PAQR3: variants seen among roughly 807,000 people sequenced by gnomAD.
PAQR3 encodes Raf kinase trapping to Golgi.
A neutral mutation model predicts 41.7 loss-of-function variants in PAQR3; 39 were observed. That is an observed-to-expected ratio of 0.93 (90% CI 0.72 to 1.22). The LOEUF (loss-of-function observed/expected upper bound fraction) is 1.22. Ranked by LOEUF, PAQR3 falls within the 50% of genes most tolerant of loss-of-function variation. The pLI, the probability that PAQR3 is intolerant of heterozygous loss-of-function variation, is 0.00. For missense variants in PAQR3, 366 were observed against 385.6 expected (o/e 0.95, Z 0.42); for synonymous variants, 140 against 140.6 (o/e 1.00, Z 0.03).
downstream of PAQR3, chr4:78,911,393 G>A: frequency 6.2e-7 from 1 of 1,614,018 alleles, no homozygotes; most frequent in Non-Finnish European, 8.5e-7. Context: ...AAAAGTGAAA[G>A]CAATGAGGAC....
chr4:78,889,662 C>T (rs879151377), intron 11 of PAQR3, among the ~76,000 whole-genome samples: 2 of 152,098 alleles, frequency 1.3e-5, no homozygotes, highest in Admixed American at 1.3e-4. Flanking sequence ...ACTCTACTAG[C>T]GTTGTGAGAC....
intron 11 of PAQR3, among the ~76,000 whole-genome samples, chr4:78,901,189 G>A: frequency 6.6e-6 from 1 of 151,870 alleles, no homozygotes; most frequent in Non-Finnish European, 1.5e-5. Context: ...GACTATAGGT[G>A]TGCACCACCA....
chr4:78,928,072 TTA>T (rs1227069361), intron 3 of PAQR3, among the ~76,000 whole-genome samples: 1 of 152,238 alleles, frequency 6.6e-6, no homozygotes, highest in Non-Finnish European at 1.5e-5. Flanking sequence ...AGCAGTTCCC[TTA>T]TCTTTTTAAT....
At chr4:78,923,365 G>A (rs902373218) in intron 5 of PAQR3, among the ~76,000 whole-genome samples, 2 of 151,496 alleles carry the variant, frequency 1.3e-5, no homozygotes, top group Admixed American at 6.6e-5. Context: ...AAGTTCTAGG[G>A]TACATGTACA....
chr4:78,933,746 A>C (rs1428581837), intron 2 of PAQR3, among the ~76,000 whole-genome samples: 1 of 152,154 alleles, frequency 6.6e-6, no homozygotes, highest in Non-Finnish European at 1.5e-5. Context: ...AAATTGTTGT[A>C]ATTATTTAAT....
chr4:78,911,971 C>T lies in PAQR3; in HGVS notation c.*8568G>A. 1 of 1,613,928 alleles carries T rather than the reference C, an allele frequency of 6.2e-7. No homozygotes were observed. The highest frequency in any genetic ancestry group is 8.5e-7 in the Non-Finnish European group (1 of 1,179,846). On this transcript the variant is annotated 3_prime_UTR_variant, in exon 6 of 6. Transcript: ENST00000512733. ...GCAAAGCATCACTCCACATCAGTCCCAACAGTCCCAACCAGTCGAATTAGA... is the reference window on the plus strand; with the variant it reads ...GCAAAGCATCACTCCACATCAGTCCTAACAGTCCCAACCAGTCGAATTAGA...
chr4:78,915,901 G>T lies in PAQR3; in HGVS notation c.*4638C>A, dbSNP rs1393444955. ...ATTGAAAAGTCATCTAATAGAAGCT[G>T]TATAGAAGCTACTTTTTAATTGCTG... On this transcript the variant is annotated 3_prime_UTR_variant, in exon 6 of 6. Transcript: ENST00000512733. 6.6e-6 allele frequency: 1 copy of T among 151,932 alleles called. No individual in the cohort carries two copies. Among genetic ancestry groups the T allele is most frequent in the Non-Finnish European group, 1.5e-5 (1 of 67,886 alleles). The allele number at this position is 151,932 out of a possible 1,614,324, so 9.4% of individuals were successfully genotyped here.
chr4:78,919,546 A>C lies in PAQR3; in HGVS notation c.*993T>G, dbSNP rs1434653572. 4.1e-6 allele frequency: 4 copies of C among 985,060 alleles called. No homozygotes were observed. Among genetic ancestry groups the C allele is most frequent in the Non-Finnish European group, 4.8e-6 (4 of 829,806 alleles). 61.0% of individuals were successfully genotyped at this position (985,060 alleles called of 1,614,324 possible). ...GACCAGAGCACAGGTGAATAAGATTATTATCAAATGGGGCATCTGCATGAC... is the reference window on the plus strand; with the variant it reads ...GACCAGAGCACAGGTGAATAAGATTCTTATCAAATGGGGCATCTGCATGAC... On this transcript the variant is annotated 3_prime_UTR_variant, in exon 6 of 6. Transcript: ENST00000512733.
intron 11 of PAQR3, among the ~76,000 whole-genome samples, chr4:78,904,672 G>A (rs913066717): frequency 6.6e-6 from 1 of 151,894 alleles, no homozygotes; most frequent in Non-Finnish European, 1.5e-5. Flanking sequence ...TTTTCAGATA[G>A]TAGAATTCAG....
intron 3 of PAQR3, among the ~76,000 whole-genome samples, chr4:78,929,361 G>A (rs1289730801): frequency 3.3e-5 from 5 of 152,228 alleles, no homozygotes; most frequent in Admixed American, 6.5e-5. Context: ...AGGGTCGAAG[G>A]GGACTTTCTG....
At chr4:78,935,405 G>C in intron 1 of PAQR3, 122 bp from the exon 2 acceptor site, 3 of 656,502 alleles carry the variant, frequency 4.6e-6, no homozygotes, top group South Asian at 3.4e-5. Flanking sequence ...TACCCCACCT[G>C]TACCTTTCTA....
chr4:78,930,899 TATATATACAC>T (rs1420662866), intron 2 of PAQR3, among the ~76,000 whole-genome samples: 4 of 146,256 alleles, frequency 2.7e-5, no homozygotes, highest in Admixed American at 2.7e-4. Context: ...TATATATATA[TATATATACAC>T]ACACATTTTA....
intron 11 of PAQR3, chr4:78,898,974 T>C (rs943102126): frequency 1.3e-5 from 2 of 152,184 alleles, no homozygotes; most frequent in African/African-American, 4.8e-5. Context: ...CTGCACTAAG[T>C]TGGACCTCAA....
intron 10 of PAQR3, among the ~76,000 whole-genome samples, chr4:78,906,461 T>C (rs1017263771): frequency 2.0e-5 from 3 of 152,192 alleles, no homozygotes; most frequent in Non-Finnish European, 4.4e-5. Context: ...AAAGGTGGTA[T>C]AGATGATTGT....
In PAQR3 at chr4:78,905,409, A is replaced by C. The variant is rs538336324; in HGVS notation, c.*836+699T>G. On this transcript the variant is annotated intron_variant and NMD_transcript_variant, in intron 11 of 12. Coordinates refer to the PAQR3 transcript ENST00000342820. Reference sequence around the variant, plus strand: ...ATTTAGTTAAAGAAAAAGAAGAAATACATTACTTAGAGCCAAAAATAAAAA... The same window carrying C: ...ATTTAGTTAAAGAAAAAGAAGAAATCCATTACTTAGAGCCAAAAATAAAAA... 7.2e-5 allele frequency among the ~76,000 whole-genome samples: 11 copies of C among 152,068 alleles called. No homozygotes were observed. The Middle Eastern group carries it at 0.01, about 141-fold the overall frequency.
At chr4:78,891,214 A>G (rs1248232026) in intron 11 of PAQR3, among the ~76,000 whole-genome samples, 1 of 152,110 alleles carries the variant, frequency 6.6e-6, no homozygotes, top group East Asian at 1.9e-4. Context: ...GAAATCTGAT[A>G]TTATTCTCTT....
Position 78,920,193 on chromosome 4 carries a change from T to C in PAQR3, c.*346A>G, listed in dbSNP as rs183429049. 17 of 1,005,988 alleles carry C rather than the reference T, an allele frequency of 1.7e-5. No individual in the cohort carries two copies. The Admixed American group carries it at 9.4e-4, about 56-fold the overall frequency. 62.3% of individuals were successfully genotyped at this position (1,005,988 alleles called of 1,614,324 possible). ...TAATTAAGCACATAAGATGACTCCATTTTCTAATGGACATGAGCCCTTCCT... is the reference window on the plus strand; with the variant it reads ...TAATTAAGCACATAAGATGACTCCACTTTCTAATGGACATGAGCCCTTCCT... On this transcript the variant is annotated 3_prime_UTR_variant, in exon 6 of 6. Transcript: ENST00000512733.
At chr4:78,911,116 G>GT, downstream of PAQR3, 1 of 1,613,982 alleles carries the variant, frequency 6.2e-7, no homozygotes, top group Non-Finnish European at 8.5e-7. Context: ...GGAGTTTGAT[G>GT]TATTTGGCGC....
chr4:78,935,731 A>AAC (rs746528311), intron 1 of PAQR3, among the ~76,000 whole-genome samples: 16 of 152,252 alleles, frequency 1.1e-4, no homozygotes, highest in South Asian at 2.1e-4. Context: ...CGTATCTGAA[A>AAC]ACCTGCTCAG....
Sources: gnomAD v4.1 joint callset for allele counts (sites outside exome capture counted in the v4.1 genomes callset) on GRCh38, gnomAD v4.1.1 for gene constraint, MANE v1.5 for transcripts, NCBI Gene and HGNC (gene_info 2026-07-23, HGNC 2026-07-21) for gene names.